The following NDE1 variants were observed in gnomAD, a reference collection of about 807,000 sequenced individuals.
NDE1 encodes the protein nudE neurodevelopment protein 1.
A neutral mutation model predicts 43.4 loss-of-function variants in NDE1; 28 were observed. The observed-to-expected ratio is 0.65, with a 90% CI of 0.48 to 0.89. The LOEUF (loss-of-function observed/expected upper bound fraction) is 0.89. NDE1 is among the 40% of genes least tolerant of loss of function. The pLI, the probability that NDE1 is intolerant of heterozygous loss-of-function variation, is 0.00. For missense variants in NDE1, 441 were observed against 434.1 expected (o/e 1.02, Z -0.14); for synonymous variants, 184 against 172.0 (o/e 1.07, Z -0.55).
At chr16:15,703,063 A>G (rs185900348) in intron 8 of NDE1, 4 of 175,748 alleles carry the variant, frequency 2.3e-5, no homozygotes. Flanking sequence ...CTTTGGGACG[A>G]TGAAGCAAAA....
chr16:15,682,233 C>A (rs1486311364), intron 4 of NDE1, among the ~76,000 whole-genome samples: 10 of 152,102 alleles, frequency 6.6e-5, no homozygotes, highest in Non-Finnish European at 1.2e-4. Flanking sequence ...TCTCTGTCGC[C>A]CCTGCTGGAG....
upstream of NDE1, among the ~76,000 whole-genome samples, chr16:15,645,709 T>G (rs917688477): frequency 6.6e-6 from 1 of 152,234 alleles, no homozygotes; most frequent in Non-Finnish European, 1.5e-5. Flanking sequence ...GGGAAAACTT[T>G]AGAGAGTACA....
chr16:15,692,995 CTT>C (rs2038826770), intron 6 of NDE1, among the ~76,000 whole-genome samples: 1 of 147,400 alleles, frequency 6.8e-6, no homozygotes, highest in Non-Finnish European at 1.5e-5. Flanking sequence ...CCTGAAATTT[CTT>C]TCTCTCTTTT....
chr16:15,674,934 T>TA (rs1236826720), intron 3 of NDE1, among the ~76,000 whole-genome samples: 1 of 152,116 alleles, frequency 6.6e-6, no homozygotes, highest in Non-Finnish European at 1.5e-5. Flanking sequence ...CTCTTTGTAA[T>TA]ACGGTGATAA....
intron 8 of NDE1, chr16:15,720,044 A>G (rs2040383159): frequency 6.9e-7 from 1 of 1,449,002 alleles, no homozygotes; most frequent in South Asian, 1.1e-5. Context: ...ACCCACACCA[A>G]TGGCAGGTGC....
intron 4 of NDE1, among the ~76,000 whole-genome samples, chr16:15,679,366 C>G (rs1161157404): frequency 6.6e-6 from 1 of 152,106 alleles, no homozygotes; most frequent in African/African-American, 2.4e-5. Context: ...ATACACATAA[C>G]CTTTTTATAT....
At chr16:15,689,937 T>C (rs111244819) in intron 5 of NDE1, among the ~76,000 whole-genome samples, 495 of 45,314 alleles carry the variant, frequency 0.011, 2 homozygotes, top group African/African-American at 0.041. Flanking sequence ...AAACTCCATC[T>C]CAAAAAAAAA....
intron 4 of NDE1, among the ~76,000 whole-genome samples, chr16:15,686,066 C>T (rs1200179610): frequency 1.3e-5 from 2 of 151,528 alleles, no homozygotes; most frequent in East Asian, 3.9e-4. Flanking sequence ...ATTCTCCTGT[C>T]TCACCCTCCC....
chr16:15,656,079 T>G (rs1349949815), intron 1 of NDE1, among the ~76,000 whole-genome samples: 1 of 151,544 alleles, frequency 6.6e-6, no homozygotes, highest in East Asian at 1.9e-4. Flanking sequence ...TGTATACATA[T>G]GTAACTAACC....
Position 15,687,456 on chromosome 16 carries a change from T to C in NDE1, c.468T>C (p.Leu156=). 6.2e-7 allele frequency: 1 copy of C among 1,614,096 alleles called. No homozygotes were observed. The highest frequency in any genetic ancestry group is 8.5e-7 in the Non-Finnish European group (1 of 1,180,010). The change falls in exon 5 of 9, where the codon CTT becomes CTC. Residue 156 remains leucine, a synonymous_variant. Coordinates refer to ENST00000396354, the MANE Select transcript of NDE1 (RefSeq NM_017668.3). ...IERNAFLESE[L]DEKENLLESV... ...GAAATGCCTTCCTGGAAAGTGAACT[T>C]GATGAAAAAGAGAATCTCCTGGAAT...
intron 1 of NDE1, among the ~76,000 whole-genome samples, chr16:15,644,186 G>A (rs2036243930): frequency 2.0e-5 from 3 of 152,164 alleles, no homozygotes; most frequent in Admixed American, 1.3e-4. Context: ...GCTACCTTAG[G>A]AGTTTATTTT....
chr16:15,706,970 A>AAATC (rs1567672194), intron 8 of NDE1, among the ~76,000 whole-genome samples: 7 of 152,272 alleles, frequency 4.6e-5, no homozygotes, highest in Middle Eastern at 3.4e-3. Flanking sequence ...CAAGGTTGAC[A>AAATC]CCAACTATAC....
At chr16:15,703,834 G>C in intron 8 of NDE1, 1 of 978,040 alleles carries the variant, frequency 1.0e-6, no homozygotes, top group South Asian at 1.3e-5. Context: ...CCTTGTGTGA[G>C]GGGTGTCTGT....
chr16:15,713,123 A>C (rs1296922616), intron 8 of NDE1: 1 of 151,954 alleles, frequency 6.6e-6, no homozygotes, highest in Non-Finnish European at 1.5e-5. Flanking sequence ...CCATTTGCTG[A>C]TGGAGCAAAT....
upstream of NDE1, among the ~76,000 whole-genome samples, chr16:15,647,868 C>T (rs2036361659): frequency 6.6e-6 from 1 of 151,644 alleles, no homozygotes; most frequent in African/African-American, 2.4e-5. Flanking sequence ...CACGTCTCTA[C>T]AAAAAAATGT....
intron 8 of NDE1, chr16:15,700,065 C>T (rs762861928): frequency 8.5e-7 from 1 of 1,172,028 alleles, no homozygotes; most frequent in Admixed American, 3.8e-5. Context: ...AAAAGGGGCT[C>T]TCTGGGAAGG....
In NDE1 at chr16:15,673,286, T is replaced by A. The variant is rs369348148; in HGVS notation, c.238-4515T>A. The stretch of plus-strand genomic sequence containing the variant: ...GTGCAGGGGCACAATCTTGGCTCAC[T>A]GCAACCTCCGCCTCCCGGGCTCAAG... On this transcript the variant is annotated intron_variant, in intron 3 of 8. Coordinates refer to ENST00000396354, the MANE Select transcript of NDE1 (RefSeq NM_017668.3). Among the ~76,000 whole-genome samples, 63 of 152,182 alleles carry A rather than the reference T, an allele frequency of 4.1e-4. 2 individuals carry two copies. In the South Asian group the frequency reaches 0.013, roughly 32 times the overall value.
intron 8 of NDE1, among the ~76,000 whole-genome samples, chr16:15,707,751 C>T (rs1379681330): frequency 2.6e-5 from 4 of 152,138 alleles, no homozygotes; most frequent in Non-Finnish European, 5.9e-5. Flanking sequence ...GCGCGCGGAT[C>T]ACCTGAAGTC....
chr16:15,686,880 G>C lies in NDE1; in HGVS notation c.387-495G>C, dbSNP rs562711821. On this transcript the variant is annotated intron_variant, in intron 4 of 8. Coordinates refer to ENST00000396354, the MANE Select transcript of NDE1 (RefSeq NM_017668.3). The stretch of plus-strand genomic sequence containing the variant: ...ATTTTTGTATTTCTAGTAGAGACAG[G>C]ATTTTGCCATTTGCCCAAGCTTGCC... 21 of 654,348 alleles carry C rather than the reference G, an allele frequency of 3.2e-5. No individual in the cohort carries two copies. In the African/African-American group the frequency reaches 3.7e-4, roughly 12 times the overall value. 40.5% of individuals were successfully genotyped at this position (654,348 alleles called of 1,614,324 possible).
Sources: allele counts gnomAD v4.1 joint callset (sites outside exome capture counted in the v4.1 genomes callset), GRCh38; gene constraint gnomAD v4.1.1; transcripts MANE v1.5; gene names NCBI Gene and HGNC (gene_info 2026-07-23, HGNC 2026-07-21).